The following NTM variants were observed in gnomAD, a reference collection of about 807,000 sequenced individuals.
The protein encoded by NTM is neurotrimin, also known as IgLON family member 2.
Under a neutral mutation model 42.1 loss-of-function variants are expected in NTM, and 13 were observed. The ratio of observed to expected loss-of-function variants is 0.31; its 90% CI spans 0.20 to 0.49. NTM has a LOEUF of 0.49. Among genes scored for constraint, NTM ranks in the 20% least tolerant of loss-of-function variants. The pLI, the probability that NTM is intolerant of heterozygous loss-of-function variation, is 0.99. For synonymous variants in NTM, 187 were observed against 179.2 expected (o/e 1.04, Z -0.35); for missense variants, 373 against 452.8 (o/e 0.82, Z 1.60).
intron 2 of NTM, among the ~76,000 whole-genome samples, chr11:132,101,269 C>T (rs1412042817): frequency 1.3e-5 from 2 of 152,102 alleles, no homozygotes; most frequent in Non-Finnish European, 2.9e-5. Flanking sequence ...CAAAAGAAAA[C>T]TCAGGATGAA....
chr11:131,884,042 G>A (rs2049970431), intron 1 of NTM, among the ~76,000 whole-genome samples: 2 of 152,214 alleles, frequency 1.3e-5, no homozygotes, highest in South Asian at 2.1e-4. Flanking sequence ...CCCTTCACAG[G>A]GATAAACTCA....
At chr11:131,924,262 C>T (rs1038355398) in intron 2 of NTM, among the ~76,000 whole-genome samples, 4 of 152,098 alleles carry the variant, frequency 2.6e-5, no homozygotes, top group African/African-American at 7.2e-5. Flanking sequence ...CTTGTGGTCT[C>T]GGGGCCAAGG....
At chr11:131,629,866 A>ACATC (rs1180839062) in intron 1 of NTM, among the ~76,000 whole-genome samples, 1 of 152,220 alleles carries the variant, frequency 6.6e-6, no homozygotes, top group Non-Finnish European at 1.5e-5. Flanking sequence ...AATAATACAG[A>ACATC]CATCCATTTT....
chr11:131,372,459 CGTGCGTGTGT>C (rs1042730618), intron 1 of NTM, among the ~76,000 whole-genome samples: 73 of 151,566 alleles, frequency 4.8e-4, no homozygotes, highest in African/African-American at 1.7e-3. Flanking sequence ...TGTGTGTGTG[CGTGCGTGTGT>C]GTGCACCCCT....
chr11:132,033,885 T>C (rs2076211151), intron 2 of NTM, among the ~76,000 whole-genome samples: 1 of 152,212 alleles, frequency 6.6e-6, no homozygotes, highest in South Asian at 2.1e-4. Context: ...CAATTTGAGA[T>C]TGATGATGTG....
chr11:131,813,171 A>G (rs1195267005), intron 1 of NTM, among the ~76,000 whole-genome samples: 1 of 152,178 alleles, frequency 6.6e-6, no homozygotes, highest in Non-Finnish European at 1.5e-5. Flanking sequence ...AGTGCTGAGG[A>G]CTTACCAAAC....
At chr11:131,396,291 G>T (rs1368542747) in intron 1 of NTM, among the ~76,000 whole-genome samples, 1 of 152,070 alleles carries the variant, frequency 6.6e-6, no homozygotes, top group African/African-American at 2.4e-5. Context: ...ATATTAACTG[G>T]CATTGAAATC....
chr11:132,135,222 C>T (rs1446655930), intron 2 of NTM, among the ~76,000 whole-genome samples: 1 of 152,188 alleles, frequency 6.6e-6, no homozygotes, highest in Non-Finnish European at 1.5e-5. Flanking sequence ...CTCTACCTTG[C>T]CCCGTGTCCT....
chr11:132,055,778 G>A (rs181282958), intron 2 of NTM, among the ~76,000 whole-genome samples: 6 of 152,252 alleles, frequency 3.9e-5, no homozygotes, highest in East Asian at 1.9e-4. Flanking sequence ...TTTGAATCCC[G>A]TCTCTTTCAG....
intron 1 of NTM, among the ~76,000 whole-genome samples, chr11:131,851,892 A>C (rs887320875): frequency 2.0e-5 from 3 of 152,152 alleles, no homozygotes; most frequent in Non-Finnish European, 4.4e-5. Flanking sequence ...AGGAGGAAAA[A>C]GTTGTCATTT....
At chr11:131,549,626 A>C (rs1253193265) in intron 1 of NTM, among the ~76,000 whole-genome samples, 1 of 152,176 alleles carries the variant, frequency 6.6e-6, no homozygotes, top group Non-Finnish European at 1.5e-5. Context: ...CGCCCAAGCC[A>C]CAAGGGGCTG....
intron 2 of NTM, among the ~76,000 whole-genome samples, chr11:132,009,599 T>C (rs550761024): frequency 6.6e-6 from 1 of 152,318 alleles, no homozygotes; most frequent in South Asian, 2.1e-4. Context: ...AGGGACGTCT[T>C]TGGAGCCCTA....
chr11:131,997,372 C>T (rs949819747), intron 2 of NTM, among the ~76,000 whole-genome samples: 3 of 152,148 alleles, frequency 2.0e-5, no homozygotes, highest in Non-Finnish European at 2.9e-5. Flanking sequence ...TTTCTGGGTA[C>T]GTGCGGAACA....
chr11:132,099,954 C>A (rs775721792), intron 2 of NTM, among the ~76,000 whole-genome samples: 1 of 152,136 alleles, frequency 6.6e-6, no homozygotes, highest in Non-Finnish European at 1.5e-5. Flanking sequence ...CTTTCATTTC[C>A]TTCCCCCACT....
In NTM at chr11:131,992,263, G is replaced by A. The variant is rs144019773; in HGVS notation, c.167+80615G>A. Among the ~76,000 whole-genome samples the A allele has an allele frequency of 2.6e-3, 392 of 152,106 alleles. 4 individuals carry two copies. Among genetic ancestry groups the A allele is most frequent in the African/African-American group, 9.1e-3 (379 of 41,478 alleles). ...TCTATGATTTTCTTAACATTTTCTCGTTTATTACTTTATTATACAAATATG... is the reference window on the plus strand; with the variant it reads ...TCTATGATTTTCTTAACATTTTCTCATTTATTACTTTATTATACAAATATG... On this transcript the variant is annotated intron_variant, in intron 2 of 8. Coordinates refer to ENST00000683400, the MANE Select transcript of NTM (RefSeq NM_001352005.2).
intron 2 of NTM, among the ~76,000 whole-genome samples, chr11:132,125,039 G>A (rs1427746454): frequency 1.3e-5 from 2 of 152,086 alleles, no homozygotes; most frequent in African/African-American, 4.8e-5. Context: ...GGCCTGATTT[G>A]CATCTTGAGT....
At chr11:131,624,760 T>C (rs1469961360) in intron 1 of NTM, among the ~76,000 whole-genome samples, 1 of 152,096 alleles carries the variant, frequency 6.6e-6, no homozygotes, top group African/African-American at 2.4e-5. Flanking sequence ...ACAGGGCGAG[T>C]CCCTCTATCT....
intron 1 of NTM, among the ~76,000 whole-genome samples, chr11:131,899,393 A>G (rs1308150418): frequency 6.6e-6 from 1 of 152,222 alleles, no homozygotes; most frequent in Non-Finnish European, 1.5e-5. Flanking sequence ...TGCCTTTACC[A>G]AGTGTACATA....
chr11:131,534,486 C>CA (rs1366853536), intron 1 of NTM: 4 of 152,162 alleles, frequency 2.6e-5, no homozygotes, highest in Non-Finnish European at 5.9e-5. Flanking sequence ...ATGGGGGTAA[C>CA]ACCTTACCAA....
Sources: gnomAD v4.1 joint callset for allele counts (sites outside exome capture counted in the v4.1 genomes callset) on GRCh38, gnomAD v4.1.1 for gene constraint, MANE v1.5 for transcripts, NCBI Gene and HGNC (gene_info 2026-07-23, HGNC 2026-07-21) for gene names.